CABLES1: variants seen among roughly 807,000 people sequenced by gnomAD.
CABLES1 encodes Cdk5 and Abl enzyme substrate 1, also known as CDK5 and ABL1 enzyme substrate 1.
Under a neutral mutation model 57.8 loss-of-function variants are expected in CABLES1, and 36 were observed. The ratio of observed to expected loss-of-function variants is 0.62; its 90% CI spans 0.48 to 0.82. CABLES1 has a LOEUF of 0.82. Ranked by LOEUF, CABLES1 falls within the 40% of genes least tolerant of loss-of-function variation. The pLI is 0.00. For synonymous variants in CABLES1, 374 were observed against 363.0 expected (o/e 1.03, Z -0.35); for missense variants, 767 against 836.6 (o/e 0.92, Z 1.03).
chr18:23,176,414 C>T (rs976284117), intron 1 of CABLES1, among the ~76,000 whole-genome samples: 6 of 152,116 alleles, frequency 3.9e-5, no homozygotes, highest in Admixed American at 2.6e-4. Flanking sequence ...CTTGCTTGCC[C>T]GCCACTTGCC....
rs998307499 is a variant in CABLES1, at chr18:23,253,715, C to T, written c.1554-14C>T. ...TTTTCACAAGACTGTTCCCTCTTGC[C>T]TGTCTTTCTCCAGTCTGAAACGAGA... On this transcript the variant is annotated splice_polypyrimidine_tract_variant and intron_variant, in intron 8 of 9. Coordinates refer to ENST00000256925, the MANE Select transcript of CABLES1 (RefSeq NM_001100619.3). The T allele has an allele frequency of 1.2e-6, 2 of 1,611,774 alleles. No homozygotes were observed. The highest frequency in any genetic ancestry group is 1.7e-4 in the Middle Eastern group (1 of 5,962).
chr18:23,235,163 G>T (rs1045735604), intron 5 of CABLES1, among the ~76,000 whole-genome samples: 1 of 152,188 alleles, frequency 6.6e-6, no homozygotes, highest in Non-Finnish European at 1.5e-5. Context: ...GCAACGAGTC[G>T]TGGGGTTGAA....
At chr18:23,163,193 T>C (rs922084097) in intron 1 of CABLES1, among the ~76,000 whole-genome samples, 9 of 151,698 alleles carry the variant, frequency 5.9e-5, no homozygotes, top group Non-Finnish European at 1.3e-4. Context: ...TGGCTTAATA[T>C]GGAGGAGGAG....
intron 1 of CABLES1, among the ~76,000 whole-genome samples, chr18:23,154,522 G>A (rs1398859452): frequency 1.3e-5 from 2 of 152,154 alleles, no homozygotes; most frequent in East Asian, 1.9e-4. Flanking sequence ...CGGGTGCCTC[G>A]TAGTGTGACT....
chr18:23,198,619 G>C (rs1344709026), intron 3 of CABLES1, among the ~76,000 whole-genome samples: 1 of 152,224 alleles, frequency 6.6e-6, no homozygotes, highest in Admixed American at 6.5e-5. Context: ...CCTTAAAAGC[G>C]GAAGAAGGAG....
intron 1 of CABLES1, among the ~76,000 whole-genome samples, chr18:23,171,324 A>T (rs531407507): frequency 7.9e-5 from 12 of 152,310 alleles, no homozygotes; most frequent in South Asian, 2.1e-4. Context: ...GTCATCCTGG[A>T]TTCCACGGTG....
chr18:23,182,820 C>T (rs531391961), intron 1 of CABLES1, among the ~76,000 whole-genome samples: 3 of 152,280 alleles, frequency 2.0e-5, no homozygotes, highest in Admixed American at 6.5e-5. Context: ...ATCAGCTTGC[C>T]CCACCAGGCC....
At position 23,189,853 on chromosome 18, in the gene CABLES1, A is replaced by G. The variant is rs566905124; in HGVS notation, c.917+944A>G. 2.4e-4 allele frequency among the ~76,000 whole-genome samples: 37 copies of G among 152,328 alleles called. No individual in the cohort carries two copies. The South Asian group carries it at 5.4e-3, about 22-fold the overall frequency. On this transcript the variant is annotated intron_variant, in intron 2 of 9. Coordinates refer to ENST00000256925, the MANE Select transcript of CABLES1 (RefSeq NM_001100619.3). The stretch of plus-strand genomic sequence containing the variant: ...AAGCTTCACTCCCAGGGCAGAGCCC[A>G]TGTCTGTAGGCTCCGCCTGCATGAA...
chr18:23,243,468 GTTTTTT>G (rs551293348), intron 7 of CABLES1, among the ~76,000 whole-genome samples: 1 of 101,878 alleles, frequency 9.8e-6, no homozygotes, highest in Non-Finnish European at 2.0e-5. Flanking sequence ...TGGGTTTGGT[GTTTTTT>G]TTTTTTTTTT....
chr18:23,143,423 C>G (rs1004806725), intron 1 of CABLES1, among the ~76,000 whole-genome samples: 3 of 152,232 alleles, frequency 2.0e-5, no homozygotes, highest in African/African-American at 7.2e-5. Flanking sequence ...TAAAGCTCTG[C>G]TGGGTCCTCG....
intron 3 of CABLES1, among the ~76,000 whole-genome samples, chr18:23,199,254 A>G (rs945499126): frequency 6.6e-6 from 1 of 152,256 alleles, no homozygotes; most frequent in African/African-American, 2.4e-5. Context: ...AAAATGGTGC[A>G]GACACCGTGG....
In CABLES1 at chr18:23,214,054, G is replaced by T; in HGVS notation, c.1088G>T (p.Gly363Val). 1 of 1,608,242 alleles carries T rather than the reference G, an allele frequency of 6.2e-7. No homozygotes were observed. The highest frequency in any genetic ancestry group is 8.5e-7 in the Non-Finnish European group (1 of 1,175,228). The change falls in exon 4 of 10, where the codon GGG becomes GTG. Residue 363 changes from glycine to valine, a missense_variant and splice_region_variant. Around this residue, in one of 4 missense-constraint regions of CABLES1, gnomAD observed 529 missense variants for 622.8 expected, o/e 0.85. Coordinates refer to ENST00000256925, the MANE Select transcript of CABLES1 (RefSeq NM_001100619.3). ...VLPYRDSTQV[G>V]DLKLDGGRQS... ...CCGTATCGCGACAGTACCCAAGTCGGGTATGTATATGCATGCATGCTTTGT... is the reference window on the plus strand; with the variant it reads ...CCGTATCGCGACAGTACCCAAGTCGTGTATGTATATGCATGCATGCTTTGT...
intron 1 of CABLES1, among the ~76,000 whole-genome samples, chr18:23,163,626 G>T (rs374555369): frequency 2.0e-5 from 3 of 152,222 alleles, no homozygotes; most frequent in African/African-American, 7.2e-5. Flanking sequence ...CATTTTGGGA[G>T]CATGGACAGA....
chr18:23,164,793 A>G (rs2047030115), intron 1 of CABLES1, among the ~76,000 whole-genome samples: 1 of 151,956 alleles, frequency 6.6e-6, no homozygotes, highest in African/African-American at 2.4e-5. Context: ...TTTGCTTGAG[A>G]CAAAGTCTCG....
chr18:23,146,713 T>C (rs2046893566), intron 1 of CABLES1, among the ~76,000 whole-genome samples: 1 of 152,202 alleles, frequency 6.6e-6, no homozygotes, highest in Non-Finnish European at 1.5e-5. Flanking sequence ...AAAAATCAAG[T>C]AATTTCAGAA....
At chr18:23,237,821 G>C (rs2047640287) in intron 7 of CABLES1, among the ~76,000 whole-genome samples, 1 of 152,242 alleles carries the variant, frequency 6.6e-6, no homozygotes, top group South Asian at 2.1e-4. Context: ...CCACCACCAA[G>C]GGCTGCCATC....
intron 1 of CABLES1, among the ~76,000 whole-genome samples, chr18:23,151,036 A>G (rs190380372): frequency 0.03 from 2,039 of 67,902 alleles, 200 homozygotes; most frequent in Admixed American, 0.26. Context: ...TTTTTTTTTG[A>G]GAGGCAGAGT....
chr18:23,177,168 C>G (rs1454225870), intron 1 of CABLES1, among the ~76,000 whole-genome samples: 1 of 152,040 alleles, frequency 6.6e-6, no homozygotes, highest in Non-Finnish European at 1.5e-5. Context: ...AGGCATTCTT[C>G]CAAAGCACCA....
rs139352344 is a variant in CABLES1, at chr18:23,136,050, GGGCGCCGGC to G, written c.295_303del (p.Gly99_Ala101del). 252,532 of 1,146,344 alleles carry G rather than the reference GGGCGCCGGC, an allele frequency of 0.22. 28,535 individuals carry two copies. Among genetic ancestry groups the G allele is most frequent in the Middle Eastern group, 0.37 (1,024 of 2,782 alleles). The allele number at this position is 1,146,344 out of a possible 1,614,324, so 71.0% of individuals were successfully genotyped here. A position where few individuals can be genotyped will look rare whatever the true frequency, so the allele number is the denominator to read the frequency against. ...GCGAGGAGGGCGGCGCGGCCAAGCC[GGGCGCCGGC>G]GGCGCCTGCGGCGCGAGGACTCGGT... On this transcript the variant is annotated inframe_deletion, in exon 1 of 10. Transcript: ENST00000256925.
Sources: gnomAD v4.1 joint callset for allele counts (sites outside exome capture counted in the v4.1 genomes callset) on GRCh38, gnomAD v4.1.1 for gene constraint, gnomAD v4.1.1 regional missense constraint, MANE v1.5 for transcripts, NCBI Gene and HGNC (gene_info 2026-07-23, HGNC 2026-07-21) for gene names.